Variants in SNX24 observed in about 807,000 individuals in gnomAD.
SNX24 encodes the protein sorting nexin 24.
A neutral mutation model predicts 28.7 loss-of-function variants in SNX24; 22 were observed. That is an observed-to-expected ratio of 0.77 (90% CI 0.55 to 1.10). SNX24 has a LOEUF of 1.10. Ranked by LOEUF, SNX24 falls within the 50% of genes least tolerant of loss-of-function variation. The pLI is 0.00. For synonymous variants in SNX24, 69 were observed against 71.5 expected (o/e 0.96, Z 0.18); for missense variants, 221 against 201.1 (o/e 1.10, Z -0.60).
At chr5:122,896,649 A>G (rs370996708) in intron 1 of SNX24, among the ~76,000 whole-genome samples, 97 of 152,252 alleles carry the variant, frequency 6.4e-4, no homozygotes, top group African/African-American at 2.2e-3. Context: ...ATTTCTCTCC[A>G]TGGCCAAATT....
intron 3 of SNX24, among the ~76,000 whole-genome samples, chr5:122,984,108 T>A (rs1001956412): frequency 1.3e-5 from 2 of 152,196 alleles, no homozygotes; most frequent in African/African-American, 4.8e-5. Flanking sequence ...CAGACACAGA[T>A]CCATCACTCT....
chr5:122,866,799 CT>C (rs947510232), intron 1 of SNX24, among the ~76,000 whole-genome samples: 3 of 152,122 alleles, frequency 2.0e-5, no homozygotes, highest in African/African-American at 7.2e-5. Context: ...CCATTTTTGC[CT>C]GTTGATTTAA....
At chr5:122,902,524 C>T (rs1757485074) in intron 1 of SNX24, among the ~76,000 whole-genome samples, 1 of 152,188 alleles carries the variant, frequency 6.6e-6, no homozygotes, top group African/African-American at 2.4e-5. Flanking sequence ...TCCCCTCTAA[C>T]AACCTCCACC....
chr5:122,955,924 G>A (rs2150133887), intron 3 of SNX24, among the ~76,000 whole-genome samples: 1 of 152,310 alleles, frequency 6.6e-6, no homozygotes, highest in Non-Finnish European at 1.5e-5. Context: ...CTGCTGCCAT[G>A]AGTAGAGGTG....
intron 1 of SNX24, among the ~76,000 whole-genome samples, chr5:122,920,067 T>C (rs1294638410): frequency 6.6e-6 from 1 of 152,178 alleles, no homozygotes; most frequent in East Asian, 1.9e-4. Context: ...ATCTAGAAAG[T>C]AGAAAATTCA....
At chr5:122,904,434 C>T (rs1581727820) in intron 1 of SNX24, among the ~76,000 whole-genome samples, 1 of 152,292 alleles carries the variant, frequency 6.6e-6, no homozygotes, top group African/African-American at 2.4e-5. Flanking sequence ...CCGCCGGCCT[C>T]TGCCTCCCAA....
At chr5:122,948,632 C>T (rs552248740) in intron 3 of SNX24, 36 of 152,332 alleles carry the variant, frequency 2.4e-4, no homozygotes, top group Non-Finnish European at 3.8e-4. Flanking sequence ...GCAACTAGTA[C>T]ATTCTGGACC....
At chr5:122,925,579 A>T (rs923925882) in intron 1 of SNX24, among the ~76,000 whole-genome samples, 1 of 151,894 alleles carries the variant, frequency 6.6e-6, no homozygotes, top group Non-Finnish European at 1.5e-5. Context: ...CTTTATTTTC[A>T]TAGCTTTTGG....
At chr5:122,987,288 A>G (rs1181871227) in intron 3 of SNX24, among the ~76,000 whole-genome samples, 1 of 152,188 alleles carries the variant, frequency 6.6e-6, no homozygotes, top group African/African-American at 2.4e-5. Context: ...CATCACCTAG[A>G]AACTTGGTAA....
intron 1 of SNX24, among the ~76,000 whole-genome samples, chr5:122,877,959 T>A (rs577618329): frequency 5.8e-4 from 88 of 152,240 alleles, no homozygotes; most frequent in African/African-American, 1.9e-3. Flanking sequence ...TCCACTCTGT[T>A]CAGATGATGC....
intron 1 of SNX24, among the ~76,000 whole-genome samples, chr5:122,907,106 TC>T (rs1424794308): frequency 6.6e-6 from 1 of 152,210 alleles, no homozygotes; most frequent in African/African-American, 2.4e-5. Flanking sequence ...TAAAAAATTC[TC>T]CAAGAACTTT....
At position 122,889,651 on chromosome 5, in the gene SNX24, G is replaced by GTA. The variant is rs201280246; in HGVS notation, c.60+43966_60+43967dup. 8.7e-3 allele frequency among the ~76,000 whole-genome samples: 1,225 copies of GTA among 141,006 alleles called. 11 individuals are homozygous for GTA. Among genetic ancestry groups the GTA allele is most frequent in the East Asian group, 0.061 (298 of 4,890 alleles). 92.5% of individuals were successfully genotyped at this position (141,006 alleles called of 152,430 possible). A position where few individuals can be genotyped will look rare whatever the true frequency, so the allele number is the denominator to read the frequency against. On this transcript the variant is annotated intron_variant, in intron 1 of 6. Coordinates refer to ENST00000261369, the MANE Select transcript of SNX24 (RefSeq NM_014035.4). ...CATATATATATATACACATACATAT[G>GTA]TATATATATGTGTATATATATATGT...
chr5:122,970,255 CT>C (rs1165807661), intron 3 of SNX24, among the ~76,000 whole-genome samples: 1 of 150,374 alleles, frequency 6.7e-6, no homozygotes, highest in African/African-American at 2.5e-5. Context: ...GATATTCTTC[CT>C]AGACTACTTG....
intron 1 of SNX24, among the ~76,000 whole-genome samples, chr5:122,925,778 G>T (rs548865162): frequency 2.6e-5 from 4 of 152,214 alleles, no homozygotes; most frequent in Non-Finnish European, 5.9e-5. Context: ...CCAATTTGTT[G>T]TCCAGCTGTC....
chr5:122,895,740 C>A (rs1047086410), intron 1 of SNX24, among the ~76,000 whole-genome samples: 2 of 152,200 alleles, frequency 1.3e-5, no homozygotes, highest in African/African-American at 4.8e-5. Flanking sequence ...TAAGAAAATC[C>A]CCATTTCTGC....
intron 3 of SNX24, among the ~76,000 whole-genome samples, chr5:122,994,483 T>C (rs1166804704): frequency 6.6e-6 from 1 of 152,312 alleles, no homozygotes; most frequent in East Asian, 1.9e-4. Flanking sequence ...AAAAGATAAC[T>C]GACAATTAAG....
intron 6 of SNX24, among the ~76,000 whole-genome samples, chr5:123,007,051 G>C (rs909458559): frequency 4.6e-5 from 7 of 152,174 alleles, no homozygotes; most frequent in Non-Finnish European, 1.0e-4. Flanking sequence ...TTTACCTACT[G>C]TAATGACTGG....
intron 2 of SNX24, among the ~76,000 whole-genome samples, chr5:122,937,083 A>T (rs1360201488): frequency 3.3e-5 from 5 of 152,226 alleles, no homozygotes; most frequent in Admixed American, 2.6e-4. Context: ...ATTCGATGTT[A>T]CAGGTTCAGA....
chr5:123,008,240 A>T lies in SNX24; in HGVS notation c.*491A>T. 2 of 985,740 alleles carry T rather than the reference A, an allele frequency of 2.0e-6. No individual in the cohort carries two copies. The highest frequency in any genetic ancestry group is 2.4e-6 in the Non-Finnish European group (2 of 830,136). The allele number at this position is 985,740 out of a possible 1,614,324, so 61.1% of individuals were successfully genotyped here. A position where few individuals can be genotyped will look rare whatever the true frequency, so the allele number is the denominator to read the frequency against. ...TGCTGGCACCAGGAGACGGCCACAG[A>T]CACACACTGCTAAATGTGAAGATGG... On this transcript the variant is annotated 3_prime_UTR_variant, in exon 7 of 7. Transcript: ENST00000261369.
Sources: gnomAD v4.1 joint callset for allele counts (sites outside exome capture counted in the v4.1 genomes callset) on GRCh38, gnomAD v4.1.1 for gene constraint, MANE v1.5 for transcripts, NCBI Gene and HGNC (gene_info 2026-07-23, HGNC 2026-07-21) for gene names.